Variants in PCDHGB2 observed in about 807,000 individuals in gnomAD.
PCDHGB2 encodes the protein protocadherin gamma subfamily B, 2.
PCDHGB2 carries 55 observed loss-of-function variants against 59.3 expected under a neutral mutation model. The ratio of observed to expected loss-of-function variants is 0.93; its 90% confidence interval spans 0.75 to 1.16. The LOEUF (loss-of-function observed/expected upper bound fraction) is 1.16, where lower values mean the gene tolerates loss of function less well. Among genes scored for constraint, PCDHGB2 ranks in the 50% most tolerant of loss-of-function variants. The pLI is 0.00. For synonymous variants in PCDHGB2, 516 were observed against 512.0 expected (o/e 1.01, Z -0.11); for missense variants, 1,228 against 1,198.5 (o/e 1.02, Z -0.36).
At chr5:141,405,246 A>G (rs1163477660) in intron 1 of PCDHGB2, 10 of 1,614,126 alleles carry the variant, frequency 6.2e-6, no homozygotes, top group Non-Finnish European at 8.5e-6. Flanking sequence ...GACTCAAGGA[A>G]GAGTCACCTG....
chr5:141,432,561 A>C lies in PCDHGB2; in HGVS notation c.2422-62246A>C, dbSNP rs746684751. On this transcript the variant is annotated intron_variant, in intron 1 of 3. Transcript: ENST00000522605. This position sits in a 1 kb window ranked among gnomAD's most constrained non-coding sequence, Gnocchi z 6.0. Reference sequence around the variant, plus strand: ...GCGGTGGACAGAGACTCCGGCCAGAACGCCTGGCTGTCCTACCGTCTGCTC... The same window carrying C: ...GCGGTGGACAGAGACTCCGGCCAGACCGCCTGGCTGTCCTACCGTCTGCTC... 37 of 1,613,308 alleles carry C rather than the reference A, an allele frequency of 2.3e-5. 1 individual carries two copies. The highest frequency in any genetic ancestry group is 2.7e-5 in the African/African-American group (2 of 74,712).
chr5:141,489,210 G>C lies in PCDHGB2; in HGVS notation c.2422-5597G>C. ...TCTACCTTGGAGACAGGACAGCACA[G>C]ACTTACTCTCCACAAAGGGACTTCT... On this transcript the variant is annotated intron_variant, in intron 1 of 3. Coordinates refer to ENST00000522605, the MANE Select transcript of PCDHGB2 (RefSeq NM_018923.3). This position sits in a 1 kb window ranked among gnomAD's most constrained non-coding sequence, Gnocchi z 4.5. 6.8e-7 allele frequency: 1 copy of C among 1,461,860 alleles called. No individual in the cohort carries two copies. Among genetic ancestry groups the C allele is most frequent in the African/African-American group, 1.4e-5 (1 of 70,802 alleles). 90.6% of individuals were successfully genotyped at this position (1,461,860 alleles called of 1,614,324 possible).
chr5:141,407,505 T>TTTTTTTTTTTTTTTTTTTTTTG (rs1460306566), intron 1 of PCDHGB2, among the ~76,000 whole-genome samples: 3 of 152,144 alleles, frequency 2.0e-5, no homozygotes, highest in African/African-American at 4.8e-5. Flanking sequence ...CTGTTTTTCT[T>TTTTTTTTTTTTTTTTTTTTTTG]AGGCTATGTA....
chr5:141,470,768 G>T (rs2099239559), intron 1 of PCDHGB2, among the ~76,000 whole-genome samples: 1 of 152,142 alleles, frequency 6.6e-6, no homozygotes, highest in South Asian at 2.1e-4. Context: ...ACTCACTACA[G>T]TCTTGAATTC....
intron 1 of PCDHGB2, chr5:141,395,486 A>G: frequency 2.0e-6 from 1 of 510,062 alleles, no homozygotes; most frequent in Non-Finnish European, 3.4e-6. Flanking sequence ...TATTCCTATT[A>G]TCACTCATTC....
chr5:141,488,095 A>G (rs78361634), intron 1 of PCDHGB2, among the ~76,000 whole-genome samples: 8,142 of 152,146 alleles, frequency 0.054, 446 homozygotes, highest in African/African-American at 0.15. Flanking sequence ...CTGTGAAGGG[A>G]CCTCTCTATT....
chr5:141,399,054 G>T (rs76381401), intron 1 of PCDHGB2: 1 of 1,613,694 alleles, frequency 6.2e-7, no homozygotes, highest in South Asian at 1.1e-5. Context: ...AAGAGACCAA[G>T]GAATATTCAA....
intron 1 of PCDHGB2, chr5:141,370,436 G>T: frequency 6.2e-7 from 1 of 1,604,136 alleles, no homozygotes; most frequent in Non-Finnish European, 8.5e-7. Context: ...CAGGGCAGAG[G>T]CGAATGCTAT....
chr5:141,492,787 G>A (rs1308203463), intron 1 of PCDHGB2, among the ~76,000 whole-genome samples: 2 of 152,254 alleles, frequency 1.3e-5, no homozygotes, highest in Admixed American at 6.5e-5. Context: ...AGCCTCTATA[G>A]GACAGCAGGA....
intron 1 of PCDHGB2, chr5:141,376,294 C>T (rs572453488): frequency 9.9e-6 from 16 of 1,614,226 alleles, no homozygotes; most frequent in East Asian, 2.2e-5. Context: ...GCATGCCCGG[C>T]TCGCACTTTG....
chr5:141,430,882 A>G, intron 1 of PCDHGB2: 3 of 1,601,068 alleles, frequency 1.9e-6, no homozygotes, highest in Non-Finnish European at 2.6e-6. Context: ...AGCTGGAGAA[A>G]GGCTCTAGGG....
At chr5:141,421,828 C>T in intron 1 of PCDHGB2, 1 of 1,613,796 alleles carries the variant, frequency 6.2e-7, no homozygotes, top group Non-Finnish European at 8.5e-7. Context: ...GGAGGGAAGC[C>T]TGGACCGAGA....
At position 141,486,878 on chromosome 5, in the gene PCDHGB2, C is replaced by T. The variant is rs772994346; in HGVS notation, c.2422-7929C>T. ...CAATGCTCCAGCTGTGCTCCGTCCT[C>T]GGGCCCGGCCTGGTTCCTTATGTCC... On this transcript the variant is annotated intron_variant, in intron 1 of 3. Transcript: ENST00000522605. The surrounding 1 kb of genome is among the most constrained non-coding windows in gnomAD (Gnocchi z 5.0). 3.0e-5 allele frequency: 49 copies of T among 1,614,114 alleles called. No homozygotes were observed. The highest frequency in any genetic ancestry group is 4.4e-5 in the South Asian group (4 of 91,088).
intron 1 of PCDHGB2, chr5:141,427,787 C>A (rs2097070880): frequency 6.8e-7 from 1 of 1,478,064 alleles, no homozygotes; most frequent in Non-Finnish European, 9.4e-7. Context: ...CACTGTCGTC[C>A]TACGTGTCCG....
intron 1 of PCDHGB2, chr5:141,364,821 T>C (rs1185593883): frequency 6.2e-7 from 1 of 1,613,886 alleles, no homozygotes; most frequent in Non-Finnish European, 8.5e-7. Flanking sequence ...GATGTGGGTG[T>C]GAACTCTCTC....
In PCDHGB2 at chr5:141,433,401, A is replaced by ATCTC. The variant is rs1554126038; in HGVS notation, c.2422-61403_2422-61402insCTCT. On this transcript the variant is annotated intron_variant, in intron 1 of 3. Transcript: ENST00000522605. ...TATCTATCTATCTATCTATCTATCT[A>ATCTC]TCTATTACTTTCTTGTACAGACAGG... Among the ~76,000 whole-genome samples, 677 of 150,598 alleles carry ATCTC rather than the reference A, an allele frequency of 4.5e-3. 6 individuals are homozygous for ATCTC. Among genetic ancestry groups the ATCTC allele is most frequent in the African/African-American group, 0.015 (630 of 40,958 alleles).
At position 141,379,889 on chromosome 5, in the gene PCDHGB2, C is replaced by CTTT. The variant is rs70988800; in HGVS notation, c.2421+17361_2421+17363dup. On this transcript the variant is annotated intron_variant, in intron 1 of 3. Transcript: ENST00000522605. Reference sequence around the variant, plus strand: ...CTTATTTTATGGTCTGTGAAAGCCTCTTTTTTTTTTTTTTTTTTTTTTTTT... The same window carrying CTTT: ...CTTATTTTATGGTCTGTGAAAGCCTCTTTTTTTTTTTTTTTTTTTTTTTTTTTT... Among the ~76,000 whole-genome samples the CTTT allele has an allele frequency of 4.3e-3, 221 of 50,830 alleles. 36 individuals are homozygous for CTTT. The highest frequency in any genetic ancestry group is 5.4e-3 in the Non-Finnish European group (141 of 25,886). The allele number at this position is 50,830 out of a possible 152,430, so 33.3% of individuals were successfully genotyped here.
intron 2 of PCDHGB2, among the ~76,000 whole-genome samples, chr5:141,500,421 G>A (rs1247202322): frequency 6.6e-6 from 1 of 151,852 alleles, no homozygotes; most frequent in Non-Finnish European, 1.5e-5. Flanking sequence ...GTGTTAGCCA[G>A]GATGGTCTCG....
chr5:141,511,233 TACCTGC>T lies in PCDHGB2; in HGVS notation c.*64_*69del. 4 of 1,595,428 alleles carry T rather than the reference TACCTGC, an allele frequency of 2.5e-6. No individual in the cohort carries two copies. The highest frequency in any genetic ancestry group is 3.4e-6 in the Non-Finnish European group (4 of 1,170,894). ...CTCCCCAACCAGCCCAGCTTCTCCT[TACCTGC>T]ACCCAGGCCTCAGAGTTTCAGGGCT... On this transcript the variant is annotated 3_prime_UTR_variant, in exon 4 of 4. Transcript: ENST00000522605.
Sources: gnomAD v4.1 joint callset for allele counts (sites outside exome capture counted in the v4.1 genomes callset) on GRCh38, gnomAD v4.1.1 for gene constraint, Gnocchi (gnomAD v3.1) non-coding constraint, MANE v1.5 for transcripts, NCBI Gene and HGNC (gene_info 2026-07-23, HGNC 2026-07-21) for gene names.